BCL11A: variants seen among roughly 807,000 people sequenced by gnomAD.
BCL11A encodes the protein B cell CLL/lymphoma 11A.
Under a neutral mutation model 55.9 loss-of-function variants are expected in BCL11A, and 2 were observed. The ratio of observed to expected loss-of-function variants is 0.04; its 90% CI spans 0.01 to 0.11. The LOEUF is 0.11. BCL11A is among the 10% of genes least tolerant of loss of function. The pLI, the probability that BCL11A is intolerant of heterozygous loss-of-function variation, is 1.00. For synonymous variants in BCL11A, 465 were observed against 473.4 expected, an observed-to-expected ratio of 0.98 and a Z score of 0.23; for missense variants, 817 against 1,137.1, an observed-to-expected ratio of 0.72 and a Z score of 4.05.
intron 2 of BCL11A, among the ~76,000 whole-genome samples, chr2:60,540,465 G>A (rs541828468): frequency 2.0e-5 from 3 of 151,958 alleles, no homozygotes; most frequent in African/African-American, 4.8e-5. Context: ...TTTCTACTTC[G>A]GTTAAATTTA....
At chr2:60,527,259 A>G (rs1258653497) in intron 2 of BCL11A, 2 of 152,244 alleles carry the variant, frequency 1.3e-5, no homozygotes, top group Admixed American at 1.3e-4. Context: ...AGGGGGTGCG[A>G]GCGAGGGAAA....
At chr2:60,521,847 A>T (rs995803480) in intron 2 of BCL11A, among the ~76,000 whole-genome samples, 9 of 152,186 alleles carry the variant, frequency 5.9e-5, no homozygotes, top group African/African-American at 2.2e-4. Flanking sequence ...CTGAAACTCA[A>T]GCAAACGCCA....
intron 2 of BCL11A, among the ~76,000 whole-genome samples, chr2:60,491,380 G>C (rs1363595319): frequency 6.6e-6 from 1 of 152,144 alleles, no homozygotes; most frequent in East Asian, 1.9e-4. Flanking sequence ...ACTATCATTT[G>C]AAATGCTCCC....
intron 2 of BCL11A, among the ~76,000 whole-genome samples, chr2:60,540,965 T>A (rs1025668246): frequency 3.6e-4 from 55 of 151,358 alleles, no homozygotes; most frequent in African/African-American, 1.3e-3. Context: ...TGTGTGTGTG[T>A]GTGTGTGTGT....
At chr2:60,530,791 C>T (rs975354482) in intron 2 of BCL11A, among the ~76,000 whole-genome samples, 20 of 152,104 alleles carry the variant, frequency 1.3e-4, no homozygotes, top group Non-Finnish European at 2.2e-4. Flanking sequence ...TGTTAATGGA[C>T]AACCACAACC....
chr2:60,536,187 A>C (rs566055466), intron 2 of BCL11A: 2 of 152,262 alleles, frequency 1.3e-5, no homozygotes, highest in South Asian at 2.1e-4. Context: ...ATTTCATTTG[A>C]ACTGCTATCG....
chr2:60,540,846 A>C (rs1363750629), intron 2 of BCL11A, among the ~76,000 whole-genome samples: 1 of 152,292 alleles, frequency 6.6e-6, no homozygotes, highest in East Asian at 1.9e-4. Context: ...ACATTCACTA[A>C]GAGAAAGGTG....
At position 60,460,060 on chromosome 2, in the gene BCL11A, A is replaced by T. The variant is rs1558610121; in HGVS notation, c.*344T>A. Reference sequence around the variant, plus strand: ...ACATGCTGTCTAAGTTTAAAAAAAAACATACACAACATGTAAATTATTGCA... The same window carrying T: ...ACATGCTGTCTAAGTTTAAAAAAAATCATACACAACATGTAAATTATTGCA... On this transcript the variant is annotated 3_prime_UTR_variant, in exon 4 of 4. Coordinates refer to ENST00000642384, the MANE Select transcript of BCL11A (RefSeq NM_022893.4). The T allele has an allele frequency of 9.2e-7, 1 of 1,092,240 alleles. No homozygotes were observed. The highest frequency in any genetic ancestry group is 4.9e-5 in the Admixed American group (1 of 20,420). 67.7% of individuals were successfully genotyped at this position (1,092,240 alleles called of 1,614,324 possible).
exon 5 of BCL11A, chr2:60,451,881 C>T (rs1417354910): frequency 4.4e-6 from 1 of 229,596 alleles, no homozygotes; most frequent in Non-Finnish European, 8.6e-6. Flanking sequence ...TTAGGAAAAC[C>T]ACACTTCAGC....
intron 2 of BCL11A, among the ~76,000 whole-genome samples, chr2:60,500,785 G>A (rs13397229): frequency 0.013 from 1,928 of 152,282 alleles, 34 homozygotes; most frequent in African/African-American, 0.044. Flanking sequence ...TTAGACAGAT[G>A]AGCTGGATCC....
At chr2:60,547,020 T>G (rs1369958422) in intron 1 of BCL11A, among the ~76,000 whole-genome samples, 1 of 152,172 alleles carries the variant, frequency 6.6e-6, no homozygotes, top group Non-Finnish European at 1.5e-5. Context: ...ATCAAAGAAA[T>G]ACCAAATGCA....
chr2:60,476,138 C>T lies in BCL11A; in HGVS notation c.386-7305G>A, dbSNP rs188541431. On this transcript the variant is annotated intron_variant, in intron 2 of 3. Coordinates refer to ENST00000642384, the MANE Select transcript of BCL11A (RefSeq NM_022893.4). ...AGGATACACCTGTTCCCCTCATGAC[C>T]TTGACCTGGATGAGGAGGGCCTTAT... Among the ~76,000 whole-genome samples, 244 of 152,296 alleles carry T rather than the reference C, an allele frequency of 1.6e-3. 1 individual carries two copies. Among genetic ancestry groups the T allele is most frequent in the Admixed American group, 0.015 (228 of 15,296 alleles).
intron 2 of BCL11A, among the ~76,000 whole-genome samples, chr2:60,471,655 C>A (rs2104017797): frequency 6.6e-6 from 1 of 152,330 alleles, no homozygotes; most frequent in South Asian, 2.1e-4. Flanking sequence ...AGGGCCTCTT[C>A]TTTTCCCACC....
At chr2:60,493,150 G>A (rs1057074384) in intron 2 of BCL11A, among the ~76,000 whole-genome samples, 2 of 151,072 alleles carry the variant, frequency 1.3e-5, no homozygotes, top group Admixed American at 6.6e-5. Context: ...CCATGGTGTG[G>A]AGTGTGTTAC....
chr2:60,530,568 AGAG>A (rs1669404372), intron 2 of BCL11A, among the ~76,000 whole-genome samples: 1 of 151,656 alleles, frequency 6.6e-6, no homozygotes, highest in African/African-American at 2.4e-5. Context: ...CAACTGGTTC[AGAG>A]GAGGGAAAAA....
intron 2 of BCL11A, among the ~76,000 whole-genome samples, chr2:60,503,698 A>G (rs771106988): frequency 3.3e-5 from 5 of 152,196 alleles, no homozygotes; most frequent in African/African-American, 4.8e-5. Context: ...ACCCTCCTGG[A>G]AACCTATAGC....
At chr2:60,530,498 T>C (rs1338430565) in intron 2 of BCL11A, among the ~76,000 whole-genome samples, 1 of 151,932 alleles carries the variant, frequency 6.6e-6, no homozygotes, top group Non-Finnish European at 1.5e-5. Context: ...ACAACTTTTT[T>C]TCCCAACGGC....
chr2:60,460,955 C>T lies in BCL11A; in HGVS notation c.1957G>A (p.Glu653Lys). The change falls in exon 4 of 4, where the codon GAG (glutamate) becomes AAG (lysine). Residue 653 changes from glutamate to lysine, a missense_variant. Glu to Lys is a moderately conservative substitution (Grantham distance 56). This residue lies in a region of BCL11A where 379 missense variants were observed against 425.3 expected (regional missense o/e 0.89). Coordinates refer to ENST00000642384, the MANE Select transcript of BCL11A (RefSeq NM_022893.4). ...GCGAGCCACTGCGAGTACACGTTCT[C>T]CGTGTTGGGCATCGCGGCCGGGGGC... Reference protein sequence around the residue: ...DLPPAAMPNTENVYSQWLAGY... With the variant: ...DLPPAAMPNTKNVYSQWLAGY... 6.2e-7 allele frequency: 1 copy of T among 1,611,944 alleles called. No individual in the cohort carries two copies. Among genetic ancestry groups the T allele is most frequent in the Non-Finnish European group, 8.5e-7 (1 of 1,179,000 alleles).
At chr2:60,509,902 C>A (rs1009888128) in intron 2 of BCL11A, among the ~76,000 whole-genome samples, 5 of 152,134 alleles carry the variant, frequency 3.3e-5, no homozygotes, top group African/African-American at 1.2e-4. Context: ...GCCTTTCTGG[C>A]CCATCCCAAT....
Sources: allele counts gnomAD v4.1 joint callset (sites outside exome capture counted in the v4.1 genomes callset), GRCh38; gene constraint gnomAD v4.1.1; regional missense constraint gnomAD v4.1.1; transcripts MANE v1.5; gene names NCBI Gene and HGNC (gene_info 2026-07-23, HGNC 2026-07-21).